Variants in CNTNAP5 observed in about 807,000 individuals in gnomAD.
CNTNAP5 encodes contactin-associated protein-like 5.
A neutral mutation model predicts 150.2 loss-of-function variants in CNTNAP5; 72 were observed. The observed-to-expected ratio is 0.48, with a 90% CI of 0.40 to 0.58. The LOEUF (loss-of-function observed/expected upper bound fraction) is 0.58. CNTNAP5 is among the 20% of genes least tolerant of loss of function. The pLI is 0.00. For missense variants in CNTNAP5, 1,636 were observed against 1,626.2 expected (o/e 1.01, Z -0.10); for synonymous variants, 672 against 619.8 (o/e 1.08, Z -1.25).
chr2:124,780,969 T>G (rs2104620249), intron 17 of CNTNAP5, among the ~76,000 whole-genome samples: 1 of 152,300 alleles, frequency 6.6e-6, no homozygotes, highest in African/African-American at 2.4e-5. Context: ...CAACCTCCTC[T>G]TTTCCTACTA....
intron 13 of CNTNAP5, among the ~76,000 whole-genome samples, chr2:124,664,907 G>A (rs1016569280): frequency 1.3e-5 from 2 of 152,232 alleles, no homozygotes; most frequent in East Asian, 1.9e-4. Flanking sequence ...GGCTGGTCTC[G>A]ATCTCCTGAC....
chr2:124,479,838 A>G (rs935755246), intron 7 of CNTNAP5, among the ~76,000 whole-genome samples: 4 of 152,132 alleles, frequency 2.6e-5, no homozygotes, highest in Non-Finnish European at 4.4e-5. Context: ...CAGCTATGGG[A>G]TCTTGAGAAA....
At chr2:124,725,702 A>T (rs1680144284) in intron 13 of CNTNAP5, among the ~76,000 whole-genome samples, 1 of 152,052 alleles carries the variant, frequency 6.6e-6, no homozygotes, top group African/African-American at 2.4e-5. Context: ...GTACTCTTCG[A>T]ACGACATGTC....
At chr2:124,590,019 G>T (rs895035750) in intron 11 of CNTNAP5, among the ~76,000 whole-genome samples, 3 of 152,006 alleles carry the variant, frequency 2.0e-5, no homozygotes, top group Non-Finnish European at 4.4e-5. Context: ...ATGGGAGTGG[G>T]TTAGTTACTA....
chr2:124,482,220 C>G (rs138000769), intron 7 of CNTNAP5, among the ~76,000 whole-genome samples: 2 of 152,344 alleles, frequency 1.3e-5, no homozygotes, highest in African/African-American at 4.8e-5. Context: ...GGCCACAGAT[C>G]ACGGTGCTAG....
chr2:124,475,448 C>T (rs1444120540), intron 7 of CNTNAP5, among the ~76,000 whole-genome samples: 1 of 152,002 alleles, frequency 6.6e-6, no homozygotes, highest in Non-Finnish European at 1.5e-5. Flanking sequence ...TTCACAATGC[C>T]TAACAGAGTG....
At chr2:124,737,883 A>C (rs1680419761) in intron 13 of CNTNAP5, among the ~76,000 whole-genome samples, 1 of 151,992 alleles carries the variant, frequency 6.6e-6, no homozygotes, top group South Asian at 2.1e-4. Context: ...TATTTACCTC[A>C]TAGTGTTGTT....
chr2:124,734,285 G>A (rs889130561), intron 13 of CNTNAP5, among the ~76,000 whole-genome samples: 3 of 151,904 alleles, frequency 2.0e-5, no homozygotes, highest in African/African-American at 4.8e-5. Context: ...AATGAAGAGA[G>A]GAAAAATGTT....
intron 1 of CNTNAP5, among the ~76,000 whole-genome samples, chr2:124,133,145 T>C (rs1013038556): frequency 6.6e-6 from 1 of 151,944 alleles, no homozygotes; most frequent in African/African-American, 2.4e-5. Context: ...CATTTGAAAA[T>C]GCAAAAAAGG....
At chr2:124,689,476 G>C (rs1309374336) in intron 13 of CNTNAP5, among the ~76,000 whole-genome samples, 3 of 152,078 alleles carry the variant, frequency 2.0e-5, no homozygotes, top group Non-Finnish European at 4.4e-5. Flanking sequence ...ACATAAAATA[G>C]TATCTGGTAT....
chr2:124,227,640 A>ATTTG (rs374775295), intron 2 of CNTNAP5, among the ~76,000 whole-genome samples: 273 of 143,418 alleles, frequency 1.9e-3, no homozygotes, highest in Middle Eastern at 3.5e-3. Context: ...CATCGTGTGT[A>ATTTG]TGTGTGTGTG....
At chr2:124,495,755 C>T (rs1396198353) in intron 7 of CNTNAP5, among the ~76,000 whole-genome samples, 1 of 152,184 alleles carries the variant, frequency 6.6e-6, no homozygotes, top group Non-Finnish European at 1.5e-5. Context: ...GTATTATGGA[C>T]TTCTTTTCAG....
intron 11 of CNTNAP5, among the ~76,000 whole-genome samples, chr2:124,579,996 C>T (rs1258819630): frequency 2.0e-5 from 3 of 152,290 alleles, no homozygotes; most frequent in African/African-American, 7.2e-5. Context: ...TACATAGATC[C>T]TAGAACAGGC....
At chr2:124,762,750 G>A (rs760988120) in intron 14 of CNTNAP5, among the ~76,000 whole-genome samples, 8 of 152,068 alleles carry the variant, frequency 5.3e-5, no homozygotes, top group African/African-American at 4.8e-5. Flanking sequence ...AGATACTGGG[G>A]ATACCAAGAA....
At chr2:124,199,614 C>T (rs1365834639) in intron 1 of CNTNAP5, among the ~76,000 whole-genome samples, 4 of 151,942 alleles carry the variant, frequency 2.6e-5, no homozygotes, top group African/African-American at 9.7e-5. Flanking sequence ...GGGGTTTCTC[C>T]ATGTTGGTCA....
At chr2:124,296,692 C>T (rs1688439173) in intron 3 of CNTNAP5, among the ~76,000 whole-genome samples, 1 of 152,126 alleles carries the variant, frequency 6.6e-6, no homozygotes, top group South Asian at 2.1e-4. Context: ...TGTGGCCTCT[C>T]TTAGTATAGA....
intron 13 of CNTNAP5, among the ~76,000 whole-genome samples, chr2:124,693,638 C>T (rs1679343347): frequency 6.6e-6 from 1 of 152,024 alleles, no homozygotes; most frequent in African/African-American, 2.4e-5. Context: ...CCTGTGGAGG[C>T]CGTGGCTGAG....
chr2:124,297,818 TATTATTA>T (rs1688477264), intron 3 of CNTNAP5, among the ~76,000 whole-genome samples: 1 of 45,286 alleles, frequency 2.2e-5, no homozygotes, highest in Admixed American at 2.5e-4. Context: ...TATTTATTAT[TATTATTA>T]TTATTATTAT....
chr2:124,532,216 C>T (rs145501089), intron 10 of CNTNAP5, among the ~76,000 whole-genome samples: 62 of 152,210 alleles, frequency 4.1e-4, no homozygotes, highest in African/African-American at 1.4e-3. Flanking sequence ...ACTTGCATTC[C>T]TCACATAAAA....
Sources: gnomAD v4.1 joint callset for allele counts (sites outside exome capture counted in the v4.1 genomes callset) on GRCh38, gnomAD v4.1.1 for gene constraint, MANE v1.5 for transcripts, NCBI Gene and HGNC (gene_info 2026-07-23, HGNC 2026-07-21) for gene names.